NIPAL2: variants seen among roughly 807,000 people sequenced by gnomAD.
NIPAL2 encodes the protein NIPA like domain containing 2.
NIPAL2 carries 43 observed loss-of-function variants against 48.9 expected under a neutral mutation model. The ratio of observed to expected loss-of-function variants is 0.88; its 90% CI spans 0.69 to 1.13. The LOEUF (loss-of-function observed/expected upper bound fraction) is 1.13, where lower values mean the gene tolerates loss of function less well. NIPAL2 is among the 50% of genes most tolerant of loss of function. The pLI is 0.00. For synonymous variants in NIPAL2, 167 were observed against 174.6 expected (o/e 0.96, Z 0.34); for missense variants, 446 against 461.4 (o/e 0.97, Z 0.31).
At position 98,244,267 on chromosome 8, in the gene NIPAL2, G is replaced by T. The variant is rs59714867; in HGVS notation, c.377-8053C>A. ...GGGGATGGGCTCTGGTGATGAAGACGGTGGGCGTGGTGATGAGAGGTAGTC... is the reference window on the plus strand; with the variant it reads ...GGGGATGGGCTCTGGTGATGAAGACTGTGGGCGTGGTGATGAGAGGTAGTC... On this transcript the variant is annotated intron_variant, in intron 3 of 10. Coordinates refer to ENST00000430223, the MANE Select transcript of NIPAL2 (RefSeq NM_001321635.2). Among the ~76,000 whole-genome samples the T allele has an allele frequency of 9.8e-3, 1,416 of 144,162 alleles. 66 individuals are homozygous for T. Among genetic ancestry groups the T allele is most frequent in the African/African-American group, 0.036 (1,335 of 37,188 alleles). The allele number at this position is 144,162 out of a possible 152,430, so 94.6% of individuals were successfully genotyped here. A position where few individuals can be genotyped will look rare whatever the true frequency, so the allele number is the denominator to read the frequency against.
At chr8:98,235,604 T>C (rs1210108623) in intron 4 of NIPAL2, among the ~76,000 whole-genome samples, 4 of 151,996 alleles carry the variant, frequency 2.6e-5, no homozygotes, top group Non-Finnish European at 4.4e-5. Flanking sequence ...AATGTTTTCA[T>C]TGAATTTTAT....
rs1164665015 is a variant in NIPAL2 at position 98,294,063 on chromosome 8, C to T, written c.75G>A (p.Thr25=). The T allele has an allele frequency of 2.0e-6, 3 of 1,500,818 alleles. No individual in the cohort carries two copies. Among genetic ancestry groups the T allele is most frequent in the Non-Finnish European group, 1.8e-6 (2 of 1,125,580 alleles). 93.0% of individuals were successfully genotyped at this position (1,500,818 alleles called of 1,614,324 possible). Residue 25 remains threonine (T), a synonymous_variant, in exon 1 of 11, where the codon ACG becomes ACA. Coordinates refer to ENST00000430223, the MANE Select transcript of NIPAL2 (RefSeq NM_001321635.2). ...CGTTGCCGGCGCCTGGTGCCCCGTA[C>T]GTGAAATTCAGTGACAGCTCGTCCA... ...AALDELSLNF[T]YGAPGAGNGS... is the part of the protein sequence containing the mutation.
intron 5 of NIPAL2, among the ~76,000 whole-genome samples, chr8:98,218,723 A>C (rs141185991): frequency 1.3e-3 from 194 of 152,302 alleles, no homozygotes; most frequent in African/African-American, 4.5e-3. Flanking sequence ...GCAGGTAAAT[A>C]GATAAAGAGG....
At chr8:98,266,577 C>T (rs1003624031) in intron 1 of NIPAL2, among the ~76,000 whole-genome samples, 1 of 146,358 alleles carries the variant, frequency 6.8e-6, no homozygotes, top group African/African-American at 2.5e-5. Flanking sequence ...AAAAGCCATT[C>T]AAAGATTGTG....
At chr8:98,223,015 A>G (rs1351548716) in intron 4 of NIPAL2, among the ~76,000 whole-genome samples, 1 of 152,230 alleles carries the variant, frequency 6.6e-6, no homozygotes, top group Non-Finnish European at 1.5e-5. Context: ...GGCACAGTCC[A>G]GAGGACAGGG....
chr8:98,206,509 G>A (rs547074163), intron 6 of NIPAL2, among the ~76,000 whole-genome samples: 10 of 152,026 alleles, frequency 6.6e-5, no homozygotes, highest in East Asian at 5.8e-4. Flanking sequence ...ATAATTGGCC[G>A]GGCGCGGTGG....
intron 4 of NIPAL2, among the ~76,000 whole-genome samples, chr8:98,225,846 T>A (rs766535437): frequency 3.3e-5 from 5 of 152,134 alleles, no homozygotes; most frequent in Non-Finnish European, 7.4e-5. Context: ...CCAATAACTC[T>A]TAGATTTGTT....
At chr8:98,219,609 C>A (rs13271958) in intron 5 of NIPAL2, among the ~76,000 whole-genome samples, 1 of 152,094 alleles carries the variant, frequency 6.6e-6, no homozygotes, top group Admixed American at 6.6e-5. Flanking sequence ...TCACTCCTAG[C>A]CCCCTTCCTG....
chr8:98,291,312 G>C (rs752771570), intron 1 of NIPAL2, among the ~76,000 whole-genome samples: 8 of 152,178 alleles, frequency 5.3e-5, no homozygotes, highest in Non-Finnish European at 1.0e-4. Context: ...TCCTGGCCAT[G>C]AGGGCTGCTT....
At chr8:98,251,790 C>G (rs911035939) in intron 3 of NIPAL2, 1 of 152,018 alleles carries the variant, frequency 6.6e-6, no homozygotes, top group African/African-American at 2.4e-5. Flanking sequence ...TCTAAATTCA[C>G]GCAAATTTAG....
intron 8 of NIPAL2, among the ~76,000 whole-genome samples, chr8:98,198,913 A>G (rs1203383611): frequency 6.6e-6 from 1 of 151,190 alleles, no homozygotes; most frequent in African/African-American, 2.4e-5. Context: ...CTGGAGTAGC[A>G]TGTTAAATTT....
intron 10 of NIPAL2, chr8:98,193,437 T>A (rs1342996744): frequency 1.2e-6 from 2 of 1,613,390 alleles, no homozygotes; most frequent in Admixed American, 3.3e-5. Context: ...CGAATGCATA[T>A]AACAACATAG....
intron 1 of NIPAL2, among the ~76,000 whole-genome samples, chr8:98,267,908 TC>T (rs1814873243): frequency 6.6e-6 from 1 of 152,148 alleles, no homozygotes; most frequent in South Asian, 2.1e-4. Flanking sequence ...ATATACACAT[TC>T]CCCACAATTA....
At chr8:98,220,518 C>T (rs905182625) in intron 5 of NIPAL2, among the ~76,000 whole-genome samples, 1 of 151,704 alleles carries the variant, frequency 6.6e-6, no homozygotes, top group Non-Finnish European at 1.5e-5. Flanking sequence ...TCAAGATCCT[C>T]TCATCTCAAC....
rs1198293401 is a variant in NIPAL2, at chr8:98,242,490, T to TTTTTGTTTTTTG, written c.377-6277_377-6276insCAAAAAACAAAA. On this transcript the variant is annotated intron_variant, in intron 3 of 10. Transcript: ENST00000430223. ...GCAAAAGCCACTGCACCTGACAGAT[T>TTTTTGTTTTTTG]TTTTTTTTTTTTTTTTTAACTGAGC... 2.1e-3 allele frequency among the ~76,000 whole-genome samples: 169 copies of TTTTTGTTTTTTG among 78,974 alleles called. 1 individual carries two copies. The highest frequency in any genetic ancestry group is 0.013 in the Middle Eastern group (2 of 160). 51.8% of individuals were successfully genotyped at this position (78,974 alleles called of 152,430 possible).
intron 5 of NIPAL2, among the ~76,000 whole-genome samples, chr8:98,215,283 G>T (rs1811519129): frequency 6.6e-6 from 1 of 152,144 alleles, no homozygotes; most frequent in African/African-American, 2.4e-5. Flanking sequence ...TAGTTGCCCT[G>T]GTTCTGCCTT....
chr8:98,222,681 G>A (rs956484860), intron 4 of NIPAL2, 81 bp from the exon 5 acceptor site: 24 of 1,399,638 alleles, frequency 1.7e-5, no homozygotes, highest in South Asian at 5.0e-5. Flanking sequence ...TAGAGACTGC[G>A]CATTACTTGT....
At chr8:98,284,105 C>A (rs118088985) in intron 1 of NIPAL2, among the ~76,000 whole-genome samples, 59 of 152,296 alleles carry the variant, frequency 3.9e-4, no homozygotes, top group Non-Finnish European at 7.6e-4. Context: ...ATCCTACTGG[C>A]ATAGCAGCCA....
intron 6 of NIPAL2, among the ~76,000 whole-genome samples, chr8:98,210,231 G>A (rs545522602): frequency 2.6e-5 from 4 of 151,506 alleles, no homozygotes; most frequent in Non-Finnish European, 5.9e-5. Context: ...ATGCTTAATT[G>A]ACTTACATTT....
Sources: allele counts gnomAD v4.1 joint callset (sites outside exome capture counted in the v4.1 genomes callset), GRCh38; gene constraint gnomAD v4.1.1; transcripts MANE v1.5; gene names NCBI Gene and HGNC (gene_info 2026-07-23, HGNC 2026-07-21).